The following CENPB variants were observed in gnomAD, a reference collection of about 807,000 sequenced individuals.
CENPB encodes the protein centromere protein B.
A neutral mutation model predicts 41.9 loss-of-function variants in CENPB; 19 were observed. That is an observed-to-expected ratio of 0.45 (90% CI 0.32 to 0.67). The LOEUF is 0.67. CENPB is among the 30% of genes least tolerant of loss of function. The pLI is 0.04. For synonymous variants in CENPB, 399 were observed against 354.4 expected (o/e 1.13, Z -1.41); for missense variants, 614 against 816.2 (o/e 0.75, Z 3.02).
Position 3,786,381 on chromosome 20 carries a change from A to C in CENPB, c.103T>G (p.Phe35Val). 1 of 1,603,504 alleles carries C rather than the reference A, an allele frequency of 6.2e-7. No individual in the cohort carries two copies. Among genetic ancestry groups the C allele is most frequent in the South Asian group, 1.1e-5 (1 of 91,074 alleles). ...CTCAGCGTGGACGGCGGGATGTTGA[A>C]GCGCCGCGCGATCTCGCCCTTGCGC... ...DLRKGEIARRFNIPPSTLSTI... is the reference protein window; with the variant it reads ...DLRKGEIARRVNIPPSTLSTI... Residue 35 changes from phenylalanine (F) to valine (V), a missense_variant, in exon 1 of 1, where the codon TTC (phenylalanine) becomes GTC (valine). Physicochemically the swap from Phe to Val is conservative, Grantham distance 50 (BLOSUM62 -1). Coordinates refer to ENST00000379751, the MANE Select transcript of CENPB (RefSeq NM_001810.6).
rs2088809509 is a variant in CENPB at position 3,785,206 on chromosome 20, C to T, written c.1278G>A (p.Glu426=). ...EEEEGEGEEE[E]EEGEEEEEEG... ...CCTCCTCCTCCTCCTCCCCTTCCTC[C>T]TCCTCTTCCTCTCCTTCACCCTCTT... Residue 426 remains glutamate (E), a synonymous_variant, in exon 1 of 1, where the codon GAG becomes GAA. Coordinates refer to ENST00000379751, the MANE Select transcript of CENPB (RefSeq NM_001810.6). The T allele has an allele frequency of 1.4e-6, 2 of 1,425,542 alleles. No homozygotes were observed. Among genetic ancestry groups the T allele is most frequent in the Admixed American group, 4.2e-5 (2 of 47,408 alleles). The allele number at this position is 1,425,542 out of a possible 1,614,324, so 88.3% of individuals were successfully genotyped here.
At position 3,784,501 on chromosome 20, in the gene CENPB, G is replaced by A. The variant is rs1267512952; in HGVS notation, c.*183C>T. On this transcript the variant is annotated 3_prime_UTR_variant, in exon 1 of 1. Transcript: ENST00000379751. This position sits in a 1 kb window ranked among gnomAD's most constrained non-coding sequence, Gnocchi z 5.2. ...CTGAGAAAGAGGCAATAAGCAGGCA[G>A]TGAGGCTGACCTCAGCCCCGGGCCC... 1.4e-5 allele frequency: 9 copies of A among 655,654 alleles called. No individual in the cohort carries two copies. Among genetic ancestry groups the A allele is most frequent in the Non-Finnish European group, 2.4e-5 (9 of 382,282 alleles). The allele number at this position is 655,654 out of a possible 1,614,324, so 40.6% of individuals were successfully genotyped here. A position where few individuals can be genotyped will look rare whatever the true frequency, so the allele number is the denominator to read the frequency against.
Position 3,785,330 on chromosome 20 carries a change from C to A in CENPB, c.1154G>T (p.Arg385Leu), listed in dbSNP as rs1333958799. 1 of 1,601,950 alleles carries A rather than the reference C, an allele frequency of 6.2e-7. No homozygotes were observed. The highest frequency in any genetic ancestry group is 8.5e-7 in the Non-Finnish European group (1 of 1,175,616). Residue 385 changes from arginine (R) to leucine (L), a missense_variant, in exon 1 of 1, where the codon CGT becomes CTT. By Grantham distance (102) the Arg-to-Leu change is moderately radical. Coordinates refer to ENST00000379751, the MANE Select transcript of CENPB (RefSeq NM_001810.6). The part of the protein sequence containing the change: ...VEPSDIAACF[R>L]EAGFGGGPNA... ...AGGGCCACCCCCAAAGCCAGCCTCA[C>A]GAAAGCAGGCGGCTATGTCCGAAGG...
Position 3,785,785 on chromosome 20 carries a change from G to C in CENPB, c.699C>G (p.Ala233=), listed in dbSNP as rs1249397134. 3.7e-6 allele frequency: 6 copies of C among 1,609,416 alleles called. No individual in the cohort carries two copies. Among genetic ancestry groups the C allele is most frequent in the Admixed American group, 1.7e-5 (1 of 59,720 alleles). The change falls in exon 1 of 1, where the codon GCC becomes GCG. Residue 233 remains alanine (A), a synonymous_variant. Coordinates refer to ENST00000379751, the MANE Select transcript of CENPB (RefSeq NM_001810.6). ...GCGGGGGCAGCTTCTCGCTGCCGTC[G>C]GCATTGGCGCATAGCAGGACGCTCA... The part of the protein sequence containing the change: ...QRLSVLLCAN[A]DGSEKLPPLV...
At position 3,786,273 on chromosome 20, in the gene CENPB, G is replaced by C. The variant is rs2088823874; in HGVS notation, c.211C>G (p.Leu71Val). The C allele has an allele frequency of 6.2e-7, 1 of 1,607,822 alleles. No individual in the cohort carries two copies. The highest frequency in any genetic ancestry group is 1.3e-5 in the African/African-American group (1 of 74,772). Reference protein sequence around the residue: ...VASTCRKTNKLSPYDKLEGLL... With the variant: ...VASTCRKTNKVSPYDKLEGLL... ...CCCTCGAGCTTGTCGTAGGGAGACA[G>C]CTTGTTGGTCTTGCGGCAGGTGGAG... Residue 71 changes from leucine to valine, a missense_variant, in exon 1 of 1, where the codon CTG becomes GTG. Coordinates refer to ENST00000379751, the MANE Select transcript of CENPB (RefSeq NM_001810.6).
rs2088802008 is a variant in CENPB, at chr20:3,784,785, C to T, written c.1699G>A (p.Val567Met). The change falls in exon 1 of 1, where the codon GTG becomes ATG. Residue 567 changes from valine to methionine, a missense_variant. Coordinates refer to ENST00000379751, the MANE Select transcript of CENPB (RefSeq NM_001810.6). The surrounding 1 kb of genome is among the most constrained non-coding windows in gnomAD (Gnocchi z 5.2). ...YLTSFPIDDR[V>M]QSHILHLEHD... ...TCCAAGTGGAGGATGTGGCTCTGCA[C>T]GCGGTCATCAATGGGGAAGGAGGTC... 1 of 1,614,100 alleles carries T rather than the reference C, an allele frequency of 6.2e-7. No homozygotes were observed. Among genetic ancestry groups the T allele is most frequent in the Non-Finnish European group, 8.5e-7 (1 of 1,180,010 alleles).
In CENPB at chr20:3,784,900, GTCTTCA is replaced by G. The variant is rs763648356; in HGVS notation, c.1578_1583del (p.Glu527_Asp528del). The G allele has an allele frequency of 5.6e-6, 9 of 1,613,814 alleles. No individual in the cohort carries two copies. Among genetic ancestry groups the G allele is most frequent in the Admixed American group, 1.7e-5 (1 of 59,992 alleles). On this transcript the variant is annotated inframe_deletion, in exon 1 of 1. Coordinates refer to ENST00000379751, the MANE Select transcript of CENPB (RefSeq NM_001810.6). This position sits in a 1 kb window ranked among gnomAD's most constrained non-coding sequence, Gnocchi z 5.2. ...CACCATCCTCCTCATCATCATCGTC[GTCTTCA>G]TCTTCATCATCCTCTTCCTCATCGT...
At position 3,785,720 on chromosome 20, in the gene CENPB, G is replaced by A. The variant is rs758481653; in HGVS notation, c.764C>T (p.Ala255Val). 1.2e-6 allele frequency: 2 copies of A among 1,606,962 alleles called. No individual in the cohort carries two copies. Among genetic ancestry groups the A allele is most frequent in the African/African-American group, 1.3e-5 (1 of 74,768 alleles). The change falls in exon 1 of 1, where the codon GCC (alanine) becomes GTC (valine). Residue 255 changes from alanine to valine, a missense_variant. By Grantham distance (64) the Ala-to-Val change is moderately conservative. Coordinates refer to ENST00000379751, the MANE Select transcript of CENPB (RefSeq NM_001810.6). ...GKSAKPRAGQ[A>V]GLPCDYTANS... is the part of the protein sequence containing the mutation. Reference sequence around the variant, plus strand: ...GGCGGTGTAGTCGCAGGGCAGGCCGGCTTGGCCTGCGCGGGGCTTGGCCGA... The same window carrying A: ...GGCGGTGTAGTCGCAGGGCAGGCCGACTTGGCCTGCGCGGGGCTTGGCCGA...
In CENPB at chr20:3,784,261, G is replaced by A; in HGVS notation, c.*423C>T. The A allele has an allele frequency of 5.2e-6, 1 of 190,944 alleles. No homozygotes were observed. Among genetic ancestry groups the A allele is most frequent in the South Asian group, 8.8e-5 (1 of 11,360 alleles). 11.8% of individuals were successfully genotyped at this position (190,944 alleles called of 1,614,324 possible). A position where few individuals can be genotyped will look rare whatever the true frequency, so the allele number is the denominator to read the frequency against. Reference sequence around the variant, plus strand: ...GGGGCCTAGGCTGGACCTTCTTCTGGAGCCCTTCCCAGAATGGCTTTGGGG... The same window carrying A: ...GGGGCCTAGGCTGGACCTTCTTCTGAAGCCCTTCCCAGAATGGCTTTGGGG... On this transcript the variant is annotated 3_prime_UTR_variant, in exon 1 of 1. Coordinates refer to ENST00000379751, the MANE Select transcript of CENPB (RefSeq NM_001810.6). This position sits in a 1 kb window ranked among gnomAD's most constrained non-coding sequence, Gnocchi z 5.2.
chr20:3,786,017 C>T lies in CENPB; in HGVS notation c.467G>A (p.Ser156Asn). The T allele has an allele frequency of 7.0e-7, 1 of 1,426,450 alleles. No individual in the cohort carries two copies. The allele number at this position is 1,426,450 out of a possible 1,614,324, so 88.4% of individuals were successfully genotyped here. ...GCCCTCCGAGGGCACCGCGGCCGGA[C>T]TGGCAGGCGCCGCCGGGGTGCGGGG... The part of the protein sequence containing the change: ...AAPRTPAAPA[S>N]PAAVPSEGSG... The change falls in exon 1 of 1, where the codon AGT becomes AAT. Residue 156 changes from serine to asparagine, a missense_variant. Coordinates refer to ENST00000379751, the MANE Select transcript of CENPB (RefSeq NM_001810.6).
chr20:3,785,455 G>T lies in CENPB; in HGVS notation c.1029C>A (p.Leu343=), dbSNP rs773378239. ...GGCCCTCTAGCGCGGCCATGGCCTT[G>T]AGCAGCATGGCCTGGCGGTAGTGGC... The part of the protein sequence containing the change: ...VKGHYRQAML[L]KAMAALEGQD... The change falls in exon 1 of 1, where the codon CTC becomes CTA. Residue 343 remains leucine (L), a synonymous_variant. Transcript: ENST00000379751. The T allele has an allele frequency of 6.3e-7, 1 of 1,589,696 alleles. No homozygotes were observed.
Position 3,785,567 on chromosome 20 carries a change from G to A in CENPB, c.917C>T (p.Thr306Ile). 3 of 1,600,882 alleles carry A rather than the reference G, an allele frequency of 1.9e-6. No homozygotes were observed. Among genetic ancestry groups the A allele is most frequent in the Middle Eastern group, 1.7e-4 (1 of 6,044 alleles). The change falls in exon 1 of 1, where the codon ACC becomes ATC. Residue 306 changes from threonine to isoleucine, a missense_variant. Coordinates refer to ENST00000379751, the MANE Select transcript of CENPB (RefSeq NM_001810.6). ...CAGCTGCACATGCCGCAGGCCCGAGGTGTCCAAGGACTGGGCAGCCAAGCG... is the reference window on the plus strand; with the variant it reads ...CAGCTGCACATGCCGCAGGCCCGAGATGTCCAAGGACTGGGCAGCCAAGCG... ...AGRLAAQSLD[T>I]SGLRHVQLAF...
rs897815576 is a variant in CENPB at position 3,785,831 on chromosome 20, G to A, written c.653C>T (p.Pro218Leu). The A allele has an allele frequency of 1.2e-6, 2 of 1,608,892 alleles. No homozygotes were observed. The highest frequency in any genetic ancestry group is 3.4e-5 in the Admixed American group (2 of 59,622). ...GCTCAGGCGCTGGGTGGCTTGACGC[G>A]GCCGTCCGTCGCCTCCGCACAGCCC... ...AAGLCGGDGR[P>L]RQATQRLSVL... is the part of the protein sequence containing the mutation. The change falls in exon 1 of 1, where the codon CCG (proline) becomes CTG (leucine). Residue 218 changes from proline (P) to leucine (L), a missense_variant. By Grantham distance (98) the Pro-to-Leu change is moderately conservative (BLOSUM62 -3). Transcript: ENST00000379751.
In CENPB at chr20:3,785,767, C is replaced by A. The variant is rs1218742774; in HGVS notation, c.717G>T (p.Leu239=). Residue 239 remains leucine, a synonymous_variant, in exon 1 of 1, where the codon CTG becomes CTT. Coordinates refer to ENST00000379751, the MANE Select transcript of CENPB (RefSeq NM_001810.6). ...CCGACTTGCCGGCCACCAGCGGGGGCAGCTTCTCGCTGCCGTCGGCATTGG... is the reference window on the plus strand; with the variant it reads ...CCGACTTGCCGGCCACCAGCGGGGGAAGCTTCTCGCTGCCGTCGGCATTGG... ...LCANADGSEK[L]PPLVAGKSAK... is the part of the protein sequence containing the mutation. The A allele has an allele frequency of 6.2e-7, 1 of 1,609,066 alleles. No individual in the cohort carries two copies. Among genetic ancestry groups the A allele is most frequent in the Non-Finnish European group, 8.5e-7 (1 of 1,177,868 alleles).
Position 3,784,859 on chromosome 20 carries a change from G to C in CENPB, c.1625C>G (p.Pro542Arg). 1 of 1,614,036 alleles carries C rather than the reference G, an allele frequency of 6.2e-7. No homozygotes were observed. The highest frequency in any genetic ancestry group is 1.3e-5 in the African/African-American group (1 of 74,984). ...GTAAGCCATGGCCTCCCCAAAGCTG[G>C]GTACAGGCACCTCATCACCATCCTC... ...DEEDGDEVPV[P>R]SFGEAMAYFA... The change falls in exon 1 of 1, where the codon CCC becomes CGC. Residue 542 changes from proline (P) to arginine (R), a missense_variant. Around this residue, in one of 2 missense-constraint regions of CENPB, gnomAD observed 537 missense variants for 629.4 expected, o/e 0.85. Transcript: ENST00000379751. The surrounding 1 kb of genome is among the most constrained non-coding windows in gnomAD (Gnocchi z 5.2).
Position 3,785,449 on chromosome 20 carries a change from G to A in CENPB, c.1035C>T (p.Ala345=), listed in dbSNP as rs761925854. Residue 345 remains alanine, a synonymous_variant, in exon 1 of 1, where the codon GCC becomes GCT. Coordinates refer to ENST00000379751, the MANE Select transcript of CENPB (RefSeq NM_001810.6). The part of the protein sequence containing the change: ...GHYRQAMLLK[A]MAALEGQDPS... The stretch of plus-strand genomic sequence containing the variant: ...GATCCTGGCCCTCTAGCGCGGCCAT[G>A]GCCTTGAGCAGCATGGCCTGGCGGT... 5.0e-6 allele frequency: 8 copies of A among 1,589,764 alleles called. No individual in the cohort carries two copies. Among genetic ancestry groups the A allele is most frequent in the Non-Finnish European group, 6.0e-6 (7 of 1,168,472 alleles).
chr20:3,784,804 G>C lies in CENPB; in HGVS notation c.1680C>G (p.Ser560=), dbSNP rs757347202. The change falls in exon 1 of 1, where the codon TCC becomes TCG. Residue 560 remains serine (S), a synonymous_variant. Transcript: ENST00000379751. This position sits in a 1 kb window ranked among gnomAD's most constrained non-coding sequence, Gnocchi z 5.2. The part of the protein sequence containing the change: ...YFAMVKRYLT[S]FPIDDRVQSH... ...TCTGCACGCGGTCATCAATGGGGAA[G>C]GAGGTCAGGTACCTCTTGACCATGG... The C allele has an allele frequency of 6.8e-6, 11 of 1,614,024 alleles. No homozygotes were observed. The highest frequency in any genetic ancestry group is 5.9e-6 in the Non-Finnish European group (7 of 1,180,004).
In CENPB at chr20:3,786,100, C is replaced by T; in HGVS notation, c.384G>A (p.Arg128=). Residue 128 remains arginine, a synonymous_variant, in exon 1 of 1, where the codon CGG becomes CGA. Transcript: ENST00000379751. The part of the protein sequence containing the change: ...ASNGWLDRFR[R]RHGVVSCSGV... ...CGCTGCAGGACACCACGCCGTGGCG[C>T]CGGCGGAAGCGGTCCAGCCAGCCGT... 6.3e-7 allele frequency: 1 copy of T among 1,593,466 alleles called. No homozygotes were observed. Among genetic ancestry groups the T allele is most frequent in the East Asian group, 2.3e-5 (1 of 44,016 alleles).
chr20:3,786,299 G>A lies in CENPB; in HGVS notation c.185C>T (p.Ala62Val). Residue 62 changes from alanine to valine, a missense_variant, in exon 1 of 1, where the codon GCC becomes GTC. Coordinates refer to ENST00000379751, the MANE Select transcript of CENPB (RefSeq NM_001810.6). ...ILASERKYGVASTCRKTNKLS... is the reference protein window; with the variant it reads ...ILASERKYGVVSTCRKTNKLS... ...CTTGTTGGTCTTGCGGCAGGTGGAG[G>A]CCACCCCGTACTTGCGCTCCGACGC... is the stretch of plus-strand genomic sequence containing the variant. 4 of 1,607,534 alleles carry A rather than the reference G, an allele frequency of 2.5e-6. No homozygotes were observed. The African/African-American group carries it at 5.3e-5, about 21-fold the overall frequency.
Sources: gnomAD v4.1 joint callset for allele counts on GRCh38, gnomAD v4.1.1 for gene constraint, gnomAD v4.1.1 regional missense constraint, Gnocchi (gnomAD v3.1) non-coding constraint, MANE v1.5 for transcripts, NCBI Gene and HGNC (gene_info 2026-07-23, HGNC 2026-07-21) for gene names.